TRAF2: variants seen among roughly 807,000 people sequenced by gnomAD.
TRAF2 encodes TNF receptor associated factor 2, also known as TNF receptor-associated factor 2.
Under a neutral mutation model 55.6 loss-of-function variants are expected in TRAF2, and 6 were observed. That is an observed-to-expected ratio of 0.11 (90% CI 0.06 to 0.21). TRAF2 has a LOEUF of 0.21. Among genes scored for constraint, TRAF2 ranks in the 10% least tolerant of loss-of-function variants. The pLI is 1.00. For missense variants in TRAF2, 561 were observed against 684.5 expected (o/e 0.82, Z 2.01); for synonymous variants, 329 against 276.3 (o/e 1.19, Z -1.89).
In TRAF2 at chr9:136,911,262, GTCTT is replaced by G. The variant is rs1443759209; in HGVS notation, c.603+1270_603+1273del. Among the ~76,000 whole-genome samples the G allele has an allele frequency of 6.1e-5, 7 of 115,342 alleles. No homozygotes were observed. In the East Asian group the frequency reaches 1.9e-3, roughly 32 times the overall value. The allele number at this position is 115,342 out of a possible 152,430, so 75.7% of individuals were successfully genotyped here. A position where few individuals can be genotyped will look rare whatever the true frequency, so the allele number is the denominator to read the frequency against. ...TGCATGGTGCATTTTCATCCTTCCC[GTCTT>G]TTTTTTTTTTTTTTTTTTGGAGACA... On this transcript the variant is annotated intron_variant, in intron 6 of 10. Transcript: ENST00000247668.
chr9:136,920,998 C>A (rs758099713), intron 8 of TRAF2, 40 bp from the exon 9 acceptor site: 1 of 1,606,810 alleles, frequency 6.2e-7, no homozygotes, highest in Non-Finnish European at 8.5e-7. Context: ...CGTGCCCGCA[C>A]CCCTCCTGTA....
intron 7 of TRAF2, among the ~76,000 whole-genome samples, chr9:136,919,609 T>A (rs947785300): frequency 6.6e-6 from 1 of 152,138 alleles, no homozygotes; most frequent in Non-Finnish European, 1.5e-5. Flanking sequence ...GTAGCTTTTT[T>A]AAAATGGTGT....
chr9:136,882,714 A>C (rs138809898), upstream of TRAF2: 15 of 985,468 alleles, frequency 1.5e-5, no homozygotes, highest in African/African-American at 2.1e-4. Flanking sequence ...GGCCAGAGTG[A>C]GTCACCCCTT....
At chr9:136,898,077 A>G (rs1021060017) in intron 1 of TRAF2, among the ~76,000 whole-genome samples, 5 of 150,136 alleles carry the variant, frequency 3.3e-5, no homozygotes, top group Admixed American at 3.3e-4. Context: ...TGCACTAGCC[A>G]GCTCCAGGTG....
At chr9:136,910,068 G>A (rs1850067267) in intron 6 of TRAF2, 74 bp downstream of exon 6, 2 of 1,473,614 alleles carry the variant, frequency 1.4e-6, no homozygotes, top group South Asian at 2.4e-5. Flanking sequence ...CCGTGGGTGG[G>A]GGTGGGGCAG....
chr9:136,895,057 G>A lies in TRAF2; in HGVS notation c.-28-3656G>A, dbSNP rs1419009473. Among the ~76,000 whole-genome samples the A allele has an allele frequency of 5.3e-5, 8 of 152,200 alleles. No homozygotes were observed. The East Asian group carries it at 1.5e-3, about 29-fold the overall frequency. ...GAATGGTGGAGCGGTCCTGAGAGCT[G>A]GGAAGACCTCTTTCTGGCACAGCAA... On this transcript the variant is annotated intron_variant, in intron 1 of 10. Coordinates refer to ENST00000247668, the MANE Select transcript of TRAF2 (RefSeq NM_021138.4).
At position 136,908,231 on chromosome 9, in the gene TRAF2, G is replaced by A. The variant is rs1350031036; in HGVS notation, c.528G>A (p.Lys176=). The change falls in exon 5 of 11, where the codon AAG becomes AAA. Residue 176 remains lysine (K), a splice_region_variant and synonymous_variant. Transcript: ENST00000247668. ...CRAPCCGADV[K]AHHEVCPKFP... Reference sequence around the variant, plus strand: ...CACCCTGCTGCGGAGCAGACGTGAAGGTGCGTGGGGTGGAGCAGCAGCCTG... The same window carrying A: ...CACCCTGCTGCGGAGCAGACGTGAAAGTGCGTGGGGTGGAGCAGCAGCCTG... The A allele has an allele frequency of 6.4e-7, 1 of 1,572,470 alleles. No individual in the cohort carries two copies. The highest frequency in any genetic ancestry group is 1.1e-5 in the South Asian group (1 of 88,534).
intron 5 of TRAF2, 98 bp from the exon 6 acceptor site, chr9:136,909,822 G>A (rs4567138): frequency 0.74 from 935,480 of 1,255,680 alleles, 350,191 homozygotes; most frequent in East Asian, 0.88. Context: ...GTGCTCCTGC[G>A]GCCCCTCGGC....
intron 6 of TRAF2, among the ~76,000 whole-genome samples, chr9:136,910,723 G>C (rs1002759994): frequency 8.5e-5 from 13 of 152,146 alleles, no homozygotes; most frequent in Non-Finnish European, 1.5e-4. Context: ...GCCTGCCCGC[G>C]GGCTCAGCCT....
Position 136,886,741 on chromosome 9 carries a change from G to A in TRAF2, c.-29+200G>A, listed in dbSNP as rs116932476. The A allele has an allele frequency of 8.5e-3, 2,501 of 293,420 alleles. 11 individuals are homozygous for A. Among genetic ancestry groups the A allele is most frequent in the Non-Finnish European group, 0.01 (2,007 of 196,760 alleles). 18.2% of individuals were successfully genotyped at this position (293,420 alleles called of 1,614,324 possible). ...TCTGAGCCGCTGGGCCGGAAACCAAGTCCGAGCGTGGCTGGCGCGGGAAAG... is the reference window on the plus strand; with the variant it reads ...TCTGAGCCGCTGGGCCGGAAACCAAATCCGAGCGTGGCTGGCGCGGGAAAG... On this transcript the variant is annotated intron_variant, in intron 1 of 10. Transcript: ENST00000247668.
chr9:136,901,220 CTCG>C (rs1028219117), intron 4 of TRAF2, among the ~76,000 whole-genome samples: 8 of 152,092 alleles, frequency 5.3e-5, no homozygotes, highest in African/African-American at 1.7e-4. Flanking sequence ...GCCGAGAGAG[CTCG>C]TCGAGGCCAC....
chr9:136,890,997 G>C (rs1849570526), intron 1 of TRAF2, among the ~76,000 whole-genome samples: 1 of 152,188 alleles, frequency 6.6e-6, no homozygotes, highest in Non-Finnish European at 1.5e-5. Flanking sequence ...TCAGCCTCCT[G>C]AGTGGCTGGG....
At chr9:136,898,441 T>G (rs1484586984) in intron 1 of TRAF2, 1 of 271,484 alleles carries the variant, frequency 3.7e-6, no homozygotes, top group Non-Finnish European at 5.6e-6. Flanking sequence ...CGTGCGTCTG[T>G]GTCTCTTTGG....
intron 6 of TRAF2, among the ~76,000 whole-genome samples, chr9:136,912,144 G>A (rs1160452285): frequency 2.2e-5 from 3 of 136,636 alleles, no homozygotes; most frequent in Admixed American, 7.7e-5. Flanking sequence ...GAGCCACTGC[G>A]TCTGGCCCTT....
intron 7 of TRAF2, among the ~76,000 whole-genome samples, chr9:136,919,042 ATATTTATT>A (rs57654341): frequency 3.0e-4 from 42 of 138,384 alleles, no homozygotes; most frequent in Admixed American, 4.3e-4. Context: ...GCCTATTTTA[ATATTTATT>A]TATTTATTTA....
At chr9:136,917,247 C>A (rs562586618) in intron 7 of TRAF2, among the ~76,000 whole-genome samples, 2 of 152,368 alleles carry the variant, frequency 1.3e-5, no homozygotes, top group South Asian at 4.1e-4. Flanking sequence ...CATGGCTTCT[C>A]ATTCAGAGTG....
intron 1 of TRAF2, among the ~76,000 whole-genome samples, chr9:136,893,509 C>T (rs1252035756): frequency 2.6e-5 from 4 of 152,142 alleles, no homozygotes; most frequent in African/African-American, 4.8e-5. Flanking sequence ...CTGTATGCGG[C>T]GTCAGTTTTG....
Position 136,898,564 on chromosome 9 carries a change from G to A in TRAF2, c.-28-149G>A, listed in dbSNP as rs1173598770. The A allele has an allele frequency of 4.8e-6, 7 of 1,444,390 alleles. No homozygotes were observed. The African/African-American group carries it at 5.7e-5, about 12-fold the overall frequency. The allele number at this position is 1,444,390 out of a possible 1,614,324, so 89.5% of individuals were successfully genotyped here. ...TAGAGGGTCTCCAAGGCTCCCTGAAGCTCTGCGATTCTGCTTCTCTGAGTC... is the reference window on the plus strand; with the variant it reads ...TAGAGGGTCTCCAAGGCTCCCTGAAACTCTGCGATTCTGCTTCTCTGAGTC... On this transcript the variant is annotated intron_variant, in intron 1 of 10. Transcript: ENST00000247668.
intron 6 of TRAF2, among the ~76,000 whole-genome samples, chr9:136,915,946 A>T (rs1463569996): frequency 6.6e-6 from 1 of 152,072 alleles, no homozygotes. Flanking sequence ...CAGAGCCGCG[A>T]CACACCTGCC....
Sources: gnomAD v4.1 joint callset for allele counts (sites outside exome capture counted in the v4.1 genomes callset) on GRCh38, gnomAD v4.1.1 for gene constraint, MANE v1.5 for transcripts, NCBI Gene and HGNC (gene_info 2026-07-23, HGNC 2026-07-21) for gene names.